Variants in APPL2 observed in about 807,000 individuals in gnomAD.
APPL2 encodes adaptor protein, phosphotyrosine interacting with PH domain and leucine zipper 2.
APPL2 carries 84 observed loss-of-function variants against 92.7 expected under a neutral mutation model. The observed-to-expected ratio is 0.91, with a 90% confidence interval of 0.76 to 1.09. The LOEUF (loss-of-function observed/expected upper bound fraction) is 1.09. APPL2 is among the 50% of genes least tolerant of loss of function. The pLI is 0.00. For synonymous variants in APPL2, 291 were observed against 291.0 expected (o/e 1.00, Z 0.00); for missense variants, 736 against 824.5 (o/e 0.89, Z 1.31).
intron 5 of APPL2, among the ~76,000 whole-genome samples, chr12:105,210,865 C>G (rs1889154775): frequency 6.6e-6 from 1 of 152,224 alleles, no homozygotes; most frequent in African/African-American, 2.4e-5. Flanking sequence ...CAAATGTCCC[C>G]TAATCTGGAA....
intron 17 of APPL2, among the ~76,000 whole-genome samples, chr12:105,185,898 T>C (rs1266396083): frequency 1.3e-5 from 2 of 152,088 alleles, no homozygotes; most frequent in African/African-American, 4.8e-5. Flanking sequence ...ATTTTTATCA[T>C]CCCAGAGGAA....
intron 17 of APPL2, among the ~76,000 whole-genome samples, chr12:105,186,667 T>TATCTATGATATCGATATCATTATATC (rs1886707358): frequency 3.0e-5 from 1 of 33,124 alleles, no homozygotes; most frequent in African/African-American, 6.6e-5. Context: ...ATATATATCA[T>TATCTATGATATCGATATCATTATATC]ATATATGATA....
chr12:105,218,099 C>G (rs1412296911), intron 2 of APPL2, among the ~76,000 whole-genome samples: 1 of 149,032 alleles, frequency 6.7e-6, no homozygotes, highest in Non-Finnish European at 1.5e-5. Flanking sequence ...CAGAGTGAGA[C>G]CTTGTCTCTA....
In APPL2 at chr12:105,188,432, T is replaced by G. The variant is rs1886920182; in HGVS notation, c.1475A>C (p.Gln492Pro). 1 of 1,614,088 alleles carries G rather than the reference T, an allele frequency of 6.2e-7. No homozygotes were observed. Among genetic ancestry groups the G allele is most frequent in the Non-Finnish European group, 8.5e-7 (1 of 1,179,984 alleles). The change falls in exon 17 of 21, where the codon CAG becomes CCG. Residue 492 changes from glutamine to proline, a missense_variant. Physicochemically the swap from Gln to Pro is moderately conservative, Grantham distance 76. Transcript: ENST00000258530. ...FPEAEDSLLQ[Q>P]MFIVRFLGSM... Reference sequence around the variant, plus strand: ...TCCCAAAAACCGAACTATAAACATCTGCTGCAAAAGAGAATCTGGAAGACA... The same window carrying G: ...TCCCAAAAACCGAACTATAAACATCGGCTGCAAAAGAGAATCTGGAAGACA...
In APPL2 at chr12:105,188,270, T is replaced by C. The variant is rs1886901084; in HGVS notation, c.1634+3A>G. 2.5e-6 allele frequency: 4 copies of C among 1,613,876 alleles called. No homozygotes were observed. Among genetic ancestry groups the C allele is most frequent in the Non-Finnish European group, 3.4e-6 (4 of 1,179,836 alleles). On this transcript the variant is annotated splice_donor_region_variant and intron_variant, in intron 17 of 20. Coordinates refer to ENST00000258530, the MANE Select transcript of APPL2 (RefSeq NM_018171.5). Reference sequence around the variant, plus strand: ...GAAAGTCTGAAAATAAAACTGAACGTACCTCAAAGATTGACTGGTGACCAT... The same window carrying C: ...GAAAGTCTGAAAATAAAACTGAACGCACCTCAAAGATTGACTGGTGACCAT...
intron 1 of APPL2, among the ~76,000 whole-genome samples, chr12:105,231,454 A>G (rs1890913514): frequency 1.3e-5 from 2 of 152,232 alleles, no homozygotes; most frequent in African/African-American, 2.4e-5. Context: ...TCCAAGGTAG[A>G]TTCCATGGTT....
chr12:105,178,284 A>C (rs1463063673), intron 17 of APPL2, among the ~76,000 whole-genome samples: 3 of 152,176 alleles, frequency 2.0e-5, no homozygotes, highest in Admixed American at 1.3e-4. Flanking sequence ...TATAGGTGAA[A>C]GCAAAAATAT....
At chr12:105,209,258 C>G (rs1266898007) in intron 5 of APPL2, among the ~76,000 whole-genome samples, 1 of 152,132 alleles carries the variant, frequency 6.6e-6, no homozygotes, top group Non-Finnish European at 1.5e-5. Context: ...AGATCAGATT[C>G]TAATTTGGTC....
At chr12:105,184,643 G>A (rs924331699) in intron 17 of APPL2, among the ~76,000 whole-genome samples, 2 of 152,162 alleles carry the variant, frequency 1.3e-5, no homozygotes, top group African/African-American at 2.4e-5. Flanking sequence ...TCCCAGAAGG[G>A]CACCCACCAG....
At chr12:105,233,508 CAAAAGCT>C in intron 1 of APPL2, 1 of 580,076 alleles carries the variant, frequency 1.7e-6, no homozygotes, top group Non-Finnish European at 2.2e-6. Flanking sequence ...AGTTCAATTA[CAAAAGCT>C]TTGGTGTTCA....
chr12:105,217,773 T>C (rs117675758), intron 2 of APPL2, 48 bp from the exon 3 acceptor site: 41,377 of 1,554,674 alleles, frequency 0.027, 641 homozygotes, highest in Non-Finnish European at 0.031. Context: ...AATGTATACA[T>C]AGTCACTGAA....
intron 5 of APPL2, among the ~76,000 whole-genome samples, chr12:105,210,227 T>A (rs942370773): frequency 7.2e-5 from 11 of 152,222 alleles, no homozygotes; most frequent in Non-Finnish European, 1.5e-4. Flanking sequence ...CCCAAAGTGC[T>A]GGGATTACAG....
At chr12:105,177,883 C>T (rs760546756) in intron 17 of APPL2, among the ~76,000 whole-genome samples, 10 of 152,126 alleles carry the variant, frequency 6.6e-5, no homozygotes, top group African/African-American at 1.2e-4. Flanking sequence ...CTCCACCTCC[C>T]GGGTTCAAGC....
intron 17 of APPL2, among the ~76,000 whole-genome samples, chr12:105,185,851 A>C (rs1236788653): frequency 1.3e-5 from 2 of 152,116 alleles, no homozygotes; most frequent in African/African-American, 4.8e-5. Context: ...TGTCTTCATA[A>C]CTTTGTGCAG....
rs1320002217 is a variant in APPL2 at position 105,187,025 on chromosome 12, G to GTAGTT, written c.1634+1243_1634+1247dup. ...TTTGTGAATACTTTTTTCCCATTCTGTAGTTTTTCTTTTCACTTTGATGTG... is the reference window on the plus strand; with the variant it reads ...TTTGTGAATACTTTTTTCCCATTCTGTAGTTTAGTTTTTCTTTTCACTTTGATGTG... On this transcript the variant is annotated intron_variant, in intron 17 of 20. Transcript: ENST00000258530. 1.4e-4 allele frequency among the ~76,000 whole-genome samples: 21 copies of GTAGTT among 152,060 alleles called. No individual in the cohort carries two copies. In the East Asian group the frequency reaches 3.7e-3, roughly 27 times the overall value.
chr12:105,206,936 A>T, intron 8 of APPL2, 125 bp downstream of exon 8: 5 of 1,277,352 alleles, frequency 3.9e-6, no homozygotes, highest in Non-Finnish European at 5.3e-6. Flanking sequence ...AATCCCACAA[A>T]GTAGCCAGGG....
rs371520577 is a variant in APPL2, at chr12:105,229,137, G to A, written c.141C>T (p.Val47=). 6.2e-7 allele frequency: 1 copy of A among 1,611,892 alleles called. No individual in the cohort carries two copies. Among genetic ancestry groups the A allele is most frequent in the African/African-American group, 1.3e-5 (1 of 74,856 alleles). ...GGTGGCAGCATACCTGGGCTCCATA[G>A]ACGCGCTGCATTGCCTGGAGCAGCT... ...TNQLLQAMQR[V]YGAQNEMCLA... is the part of the protein sequence containing the mutation. Residue 47 remains valine, a synonymous_variant, in exon 2 of 21, where the codon GTC becomes GTT. Transcript: ENST00000258530.
Position 105,176,042 on chromosome 12 carries a change from A to T in APPL2, c.1853T>A (p.Val618Asp). 6.3e-7 allele frequency: 1 copy of T among 1,593,146 alleles called. No homozygotes were observed. The change falls in exon 20 of 21, where the codon GTT (valine) becomes GAT (aspartate). Residue 618 changes from valine (V) to aspartate (D), a missense_variant. Val to Asp is a radical substitution (Grantham distance 152). Transcript: ENST00000258530. ...AINLGKEIIE[V>D]QKDPEALAQL... The stretch of plus-strand genomic sequence containing the variant: ...CGCTAGAATGCATCTTACCTTCTGA[A>T]CCTCAATAATTTCTTTTCCCAAATT...
Position 105,207,175 on chromosome 12 carries a change from C to T in APPL2, c.507G>A (p.Ala169=), listed in dbSNP as rs544032120. The T allele has an allele frequency of 4.2e-5, 67 of 1,613,764 alleles. No homozygotes were observed. Among genetic ancestry groups the T allele is most frequent in the East Asian group, 1.1e-4 (5 of 44,896 alleles). The change falls in exon 8 of 21, where the codon GCG becomes GCA. Residue 169 remains alanine (A), a synonymous_variant. Transcript: ENST00000258530. ...AGGAGAGGTGCTGCTTCCGCCGGGC[C>T]GCGGCCACCTCTTTTCCGACTTCGG... ...VKTEVGKEVA[A]ARRKQHLSSL... is the part of the protein sequence containing the mutation.
Sources: allele counts gnomAD v4.1 joint callset (sites outside exome capture counted in the v4.1 genomes callset), GRCh38; gene constraint gnomAD v4.1.1; transcripts MANE v1.5; gene names NCBI Gene and HGNC (gene_info 2026-07-23, HGNC 2026-07-21).